The following FSTL1 variants were observed in gnomAD, a reference collection of about 807,000 sequenced individuals.
FSTL1 encodes the protein follistatin like 1.
In FSTL1, 24 loss-of-function variants were observed where a neutral mutation model predicts 45.9. The ratio of observed to expected loss-of-function variants is 0.52; its 90% CI spans 0.38 to 0.74. The LOEUF (loss-of-function observed/expected upper bound fraction) is 0.74, where lower values mean the gene tolerates loss of function less well. FSTL1 is among the 30% of genes least tolerant of loss of function. The pLI, the probability that FSTL1 is intolerant of heterozygous loss-of-function variation, is 0.00. For synonymous variants in FSTL1, 120 were observed against 137.6 expected (o/e 0.87, Z 0.89); for missense variants, 340 against 381.8 (o/e 0.89, Z 0.91).
At chr3:120,405,118 G>A (rs1368074628) in intron 6 of FSTL1, 147 bp from the exon 7 acceptor site, 1 of 616,312 alleles carries the variant, frequency 1.6e-6, no homozygotes, top group Non-Finnish European at 3.0e-6. Context: ...GGCAACAAAT[G>A]CTCTAATCCC....
At chr3:120,424,766 G>A (rs936840182) in intron 2 of FSTL1, among the ~76,000 whole-genome samples, 3 of 152,146 alleles carry the variant, frequency 2.0e-5, no homozygotes, top group African/African-American at 4.8e-5. Context: ...CAGATCTTTG[G>A]CTTCTAGGGC....
At chr3:120,440,333 T>C (rs1937615615) in intron 2 of FSTL1, among the ~76,000 whole-genome samples, 1 of 152,230 alleles carries the variant, frequency 6.6e-6, no homozygotes, top group African/African-American at 2.4e-5. Context: ...ACAACTGATG[T>C]TACCTGGAAA....
At chr3:120,445,696 A>G (rs1488131437) in intron 2 of FSTL1, among the ~76,000 whole-genome samples, 3 of 149,862 alleles carry the variant, frequency 2.0e-5, no homozygotes, top group Non-Finnish European at 2.9e-5. Flanking sequence ...AAAAACAGCA[A>G]TAAGTATAAA....
intron 2 of FSTL1, among the ~76,000 whole-genome samples, chr3:120,416,444 AG>A: frequency 6.6e-6 from 1 of 152,346 alleles, no homozygotes; most frequent in African/African-American, 2.4e-5. Flanking sequence ...AAAACAACAC[AG>A]GAAGTGCAAG....
chr3:120,446,586 A>AACAAAC (rs1937746989), intron 2 of FSTL1, among the ~76,000 whole-genome samples: 2 of 152,252 alleles, frequency 1.3e-5, no homozygotes, highest in Admixed American at 1.3e-4. Flanking sequence ...TAAACAAGCA[A>AACAAAC]GAGATCATTT....
At chr3:120,448,640 C>A (rs934446146) in intron 2 of FSTL1, among the ~76,000 whole-genome samples, 1 of 152,194 alleles carries the variant, frequency 6.6e-6, no homozygotes, top group African/African-American at 2.4e-5. Flanking sequence ...CTTTTCTCCC[C>A]CAACGCACTC....
At chr3:120,419,796 C>T (rs755482997) in intron 2 of FSTL1, 4 of 152,156 alleles carry the variant, frequency 2.6e-5, no homozygotes, top group Non-Finnish European at 2.9e-5. Context: ...GCAGGAAAAC[C>T]GGCCAGGTTT....
At chr3:120,440,377 A>C (rs1189049658) in intron 2 of FSTL1, among the ~76,000 whole-genome samples, 1 of 152,246 alleles carries the variant, frequency 6.6e-6, no homozygotes, top group African/African-American at 2.4e-5. Context: ...TGCTGAGTGG[A>C]TGTTACCTAG....
chr3:120,410,424 A>G (rs1309746899), intron 5 of FSTL1: 1 of 216,638 alleles, frequency 4.6e-6, no homozygotes, highest in African/African-American at 2.3e-5. Flanking sequence ...AGCCTCTTTG[A>G]GCCTCAATTT....
At chr3:120,437,980 A>T (rs1436235131) in intron 2 of FSTL1, among the ~76,000 whole-genome samples, 1 of 152,090 alleles carries the variant, frequency 6.6e-6, no homozygotes, top group Admixed American at 6.5e-5. Context: ...GGGCCAGGGG[A>T]GCAGGGCAGG....
At chr3:120,435,132 T>C (rs1733301) in intron 2 of FSTL1, among the ~76,000 whole-genome samples, 87,361 of 151,988 alleles carry the variant, frequency 0.57, 28,513 homozygotes, top group East Asian at 0.75. Context: ...GGCACGAGAA[T>C]TGCTTTAATC....
chr3:120,417,606 G>T (rs1005542556), intron 2 of FSTL1, among the ~76,000 whole-genome samples: 3 of 152,240 alleles, frequency 2.0e-5, no homozygotes, highest in Non-Finnish European at 4.4e-5. Context: ...CCTAAACAGA[G>T]AGTGGAGATA....
intron 2 of FSTL1, 67 bp downstream of exon 2, chr3:120,450,617 A>G (rs1576232023): frequency 9.9e-7 from 1 of 1,007,780 alleles, no homozygotes; most frequent in Non-Finnish European, 1.3e-6. Flanking sequence ...ACGCGCGCCC[A>G]CCCGCCCAGC....
At chr3:120,409,740 C>CCAG in intron 5 of FSTL1, 78 bp from the exon 6 acceptor site, 5 of 1,374,466 alleles carry the variant, frequency 3.6e-6, no homozygotes, top group South Asian at 1.2e-5. Flanking sequence ...TGTGTGGGAG[C>CCAG]ATCCGTGCCC....
chr3:120,415,836 C>A (rs1937177832), intron 3 of FSTL1, 87 bp downstream of exon 3: 4 of 725,858 alleles, frequency 5.5e-6, no homozygotes, highest in African/African-American at 3.4e-5. Context: ...AGAATGAAAT[C>A]ATTGGCACTG....
chr3:120,396,940 T>C lies in FSTL1; in HGVS notation c.*12A>G, dbSNP rs1275213346. The C allele has an allele frequency of 6.3e-7, 1 of 1,598,142 alleles. No individual in the cohort carries two copies. The highest frequency in any genetic ancestry group is 8.6e-7 in the Non-Finnish European group (1 of 1,165,432). On this transcript the variant is annotated 3_prime_UTR_variant, in exon 11 of 11. Coordinates refer to ENST00000295633, the MANE Select transcript of FSTL1 (RefSeq NM_007085.5). ...AGATGCTGGGATCCAGACACTGGTC[T>C]GTGCCTCCTCATTAGATCTCTTTGG...
intron 10 of FSTL1, among the ~76,000 whole-genome samples, chr3:120,398,862 T>C (rs1339838424): frequency 6.6e-6 from 1 of 152,222 alleles, no homozygotes; most frequent in Non-Finnish European, 1.5e-5. Flanking sequence ...TTCTCTTTCA[T>C]GGGATTGAAC....
chr3:120,433,214 T>G (rs1001454096), intron 2 of FSTL1, among the ~76,000 whole-genome samples: 1 of 152,186 alleles, frequency 6.6e-6, no homozygotes, highest in Non-Finnish European at 1.5e-5. Flanking sequence ...AATAAAAATA[T>G]TTACTATTCA....
At chr3:120,431,479 T>C (rs1185592776) in intron 2 of FSTL1, among the ~76,000 whole-genome samples, 2 of 152,164 alleles carry the variant, frequency 1.3e-5, no homozygotes, top group Non-Finnish European at 2.9e-5. Context: ...ACGTTTCAAG[T>C]GCTCAATAGC....
Sources: gnomAD v4.1 joint callset for allele counts (sites outside exome capture counted in the v4.1 genomes callset) on GRCh38, gnomAD v4.1.1 for gene constraint, MANE v1.5 for transcripts, NCBI Gene and HGNC (gene_info 2026-07-23, HGNC 2026-07-21) for gene names.